Variants in SKOR2 observed in about 807,000 individuals in gnomAD.
SKOR2 encodes the protein SKI family transcriptional corepressor 2, also known as LBX1 corepressor 1-like protein.
Under a neutral mutation model 69.1 loss-of-function variants are expected in SKOR2, and 47 were observed. The observed-to-expected ratio is 0.68, with a 90% CI of 0.54 to 0.87. The LOEUF (loss-of-function observed/expected upper bound fraction) is 0.87, where lower values mean the gene tolerates loss of function less well. SKOR2 is among the 40% of genes least tolerant of loss of function. The pLI is 0.00. For missense variants in SKOR2, 1,404 were observed against 1,472.2 expected (o/e 0.95, Z 0.76); for synonymous variants, 717 against 672.6 (o/e 1.07, Z -1.02).
rs532631625 is a variant in SKOR2, at chr18:47,223,392, G to A, written c.2918-3382C>T. Among the ~76,000 whole-genome samples the A allele has an allele frequency of 3.9e-5, 6 of 152,320 alleles. No homozygotes were observed. The South Asian group carries it at 1.2e-3, about 32-fold the overall frequency. On this transcript the variant is annotated intron_variant, in intron 6 of 8. Transcript: ENST00000425639. ...AAGAGATGATACATGCTGTTCCAAA[G>A]ATGGGAGCAGAAATTAGTTGAAACT...
At chr18:47,250,529 G>A (rs935269080) in intron 1 of SKOR2, among the ~76,000 whole-genome samples, 4 of 152,224 alleles carry the variant, frequency 2.6e-5, no homozygotes, top group African/African-American at 9.7e-5. Context: ...AGGCCATAGC[G>A]TGGCCCCTTT....
chr18:47,236,268 C>A (rs943641508), intron 4 of SKOR2, among the ~76,000 whole-genome samples: 3 of 152,166 alleles, frequency 2.0e-5, no homozygotes, highest in African/African-American at 7.2e-5. Context: ...TGGAATTATA[C>A]GCCTGAGTCA....
At position 47,247,356 on chromosome 18, in the gene SKOR2, C is replaced by T; in HGVS notation, c.1828G>A (p.Gly610Arg). ...TAGCTGCCACCGCCCGCTTTGCGCC[C>T]CTCCAGAAGGTGCGGATGGTGGGGC... ...PAPHHPHLLE[G>R]RKAGGGSYHH... The change falls in exon 2 of 9, where the codon GGG (glycine) becomes AGG (arginine). Residue 610 changes from glycine (G) to arginine (R), a missense_variant. By Grantham distance (125) the Gly-to-Arg change is moderately radical (BLOSUM62 -2). This residue lies in a region of SKOR2 where 1,266 missense variants were observed against 1,309.9 expected (regional missense o/e 0.97). Coordinates refer to ENST00000425639, the MANE Select transcript of SKOR2 (RefSeq NM_001278063.4). The surrounding 1 kb of genome is among the most constrained non-coding windows in gnomAD (Gnocchi z 6.6). 1 of 1,465,062 alleles carries T rather than the reference C, an allele frequency of 6.8e-7. No homozygotes were observed. Among genetic ancestry groups the T allele is most frequent in the Non-Finnish European group, 9.0e-7 (1 of 1,113,774 alleles). The allele number at this position is 1,465,062 out of a possible 1,614,324, so 90.8% of individuals were successfully genotyped here.
At chr18:47,230,050 A>C (rs8086549) in intron 6 of SKOR2, among the ~76,000 whole-genome samples, 65,709 of 152,062 alleles carry the variant, frequency 0.43, 14,425 homozygotes, top group Middle Eastern at 0.56. Flanking sequence ...GGAAGCTATC[A>C]GGAACAATCT....
chr18:47,245,493 T>TC lies in SKOR2; in HGVS notation c.2677+4_2677+5insG. On this transcript the variant is annotated splice_donor_region_variant and intron_variant, in intron 3 of 8. Transcript: ENST00000425639. ...GTGGCAGCTGATTTTTTTTTTTTTT[T>TC]TTACCTGAAAAGCTGTTGTCATCCT... 1 of 1,478,308 alleles carries TC rather than the reference T, an allele frequency of 6.8e-7. No homozygotes were observed. The highest frequency in any genetic ancestry group is 8.9e-7 in the Non-Finnish European group (1 of 1,122,280). 91.6% of individuals were successfully genotyped at this position (1,478,308 alleles called of 1,614,324 possible).
At chr18:47,216,046 T>C (rs2064143058) in intron 7 of SKOR2, among the ~76,000 whole-genome samples, 1 of 152,172 alleles carries the variant, frequency 6.6e-6, no homozygotes, top group East Asian at 1.9e-4. Flanking sequence ...TTGGAAAAAC[T>C]TTAATCAAAA....
At position 47,245,348 on chromosome 18, in the gene SKOR2, T is replaced by C. The variant is rs578064818; in HGVS notation, c.2677+150A>G. 14 of 715,172 alleles carry C rather than the reference T, an allele frequency of 2.0e-5. No individual in the cohort carries two copies. In the South Asian group the frequency reaches 3.3e-4, roughly 17 times the overall value. The allele number at this position is 715,172 out of a possible 1,614,324, so 44.3% of individuals were successfully genotyped here. Reference sequence around the variant, plus strand: ...GATCTTTGAAATATAAACTCTGATATTCAAAAACAAAACCAAAAAAGAGCC... The same window carrying C: ...GATCTTTGAAATATAAACTCTGATACTCAAAAACAAAACCAAAAAAGAGCC... On this transcript the variant is annotated intron_variant, in intron 3 of 8. Transcript: ENST00000425639.
chr18:47,248,035 G>T lies in SKOR2; in HGVS notation c.1149C>A (p.Ile383=), dbSNP rs753088865. The change falls in exon 2 of 9, where the codon ATC becomes ATA. Residue 383 remains isoleucine, a synonymous_variant. Coordinates refer to ENST00000425639, the MANE Select transcript of SKOR2 (RefSeq NM_001278063.4). The surrounding 1 kb of genome is among the most constrained non-coding windows in gnomAD (Gnocchi z 6.4). ...GAKGPRSYPV[I]PVPSKGSFGG... is the part of the protein sequence containing the mutation. The stretch of plus-strand genomic sequence containing the variant: ...CGAACGAGCCCTTGCTGGGCACCGG[G>T]ATGACTGGGTAGCTGCGCGGGCCTT... 6.2e-6 allele frequency: 9 copies of T among 1,441,706 alleles called. No homozygotes were observed. The highest frequency in any genetic ancestry group is 8.2e-6 in the Non-Finnish European group (9 of 1,098,896). The allele number at this position is 1,441,706 out of a possible 1,614,324, so 89.3% of individuals were successfully genotyped here.
At chr18:47,231,109 GA>G (rs745443308) in intron 4 of SKOR2, 109 bp from the exon 5 acceptor site, 4 of 1,535,564 alleles carry the variant, frequency 2.6e-6, no homozygotes, top group Middle Eastern at 1.7e-4. Context: ...AATATAACCT[GA>G]AATTGGAAGT....
chr18:47,231,178 G>T (rs2144496183), intron 4 of SKOR2, 178 bp from the exon 5 acceptor site: 1 of 1,535,998 alleles, frequency 6.5e-7, no homozygotes, highest in African/African-American at 1.4e-5. Context: ...AAACACGGAG[G>T]GGAGGTGCAG....
In SKOR2 at chr18:47,247,443, C is replaced by T. The variant is rs2064284472; in HGVS notation, c.1741G>A (p.Ala581Thr). ...AGSTPPADSVAAAGAGAAAAG... is the reference protein window; with the variant it reads ...AGSTPPADSVTAAGAGAAAAG... ...GCCGCGGCCCCTGCCCCGGCAGCTG[C>T]CACAGAGTCCGCGGGCGGCGTGGAG... The change falls in exon 2 of 9, where the codon GCA (alanine) becomes ACA (threonine). Residue 581 changes from alanine (A) to threonine (T), a missense_variant. Around this residue, in one of 3 missense-constraint regions of SKOR2, gnomAD observed 1,266 missense variants for 1,309.9 expected, o/e 0.97. Coordinates refer to ENST00000425639, the MANE Select transcript of SKOR2 (RefSeq NM_001278063.4). This position sits in a 1 kb window ranked among gnomAD's most constrained non-coding sequence, Gnocchi z 6.6. 1 of 1,264,252 alleles carries T rather than the reference C, an allele frequency of 7.9e-7. No homozygotes were observed. Among genetic ancestry groups the T allele is most frequent in the Non-Finnish European group, 9.9e-7 (1 of 1,006,538 alleles). The allele number at this position is 1,264,252 out of a possible 1,614,324, so 78.3% of individuals were successfully genotyped here.
rs1439737117 is a variant in SKOR2 at position 47,238,669 on chromosome 18, G to A, written c.2752+6239C>T. 2.0e-5 allele frequency among the ~76,000 whole-genome samples: 3 copies of A among 152,284 alleles called. No homozygotes were observed. The East Asian group carries it at 5.8e-4, about 29-fold the overall frequency. ...TTAGTTTAAGACTGTGTCTATACAT[G>A]AGATACACATGCACTCTAACATCTG... is the stretch of plus-strand genomic sequence containing the variant. On this transcript the variant is annotated intron_variant, in intron 4 of 8. Coordinates refer to ENST00000425639, the MANE Select transcript of SKOR2 (RefSeq NM_001278063.4).
At chr18:47,251,239 C>CCCGA (rs1415214090) in intron 1 of SKOR2, 135 bp downstream of exon 1, 2 of 152,330 alleles carry the variant, frequency 1.3e-5, no homozygotes, top group East Asian at 3.9e-4. Flanking sequence ...ACTTAGTTCT[C>CCCGA]CCGACTCCCA....
intron 7 of SKOR2, among the ~76,000 whole-genome samples, chr18:47,217,357 G>A (rs115517261): frequency 0.011 from 1,670 of 152,272 alleles, 33 homozygotes; most frequent in African/African-American, 0.038. Flanking sequence ...CATTTTGGTT[G>A]AGGAACTGAC....
chr18:47,247,651 C>T lies in SKOR2; in HGVS notation c.1533G>A (p.Leu511=). 1 of 1,363,554 alleles carries T rather than the reference C, an allele frequency of 7.3e-7. No homozygotes were observed. 84.5% of individuals were successfully genotyped at this position (1,363,554 alleles called of 1,614,324 possible). The stretch of plus-strand genomic sequence containing the variant: ...CAGCACCGCCTGGCTCAGCCAGGTC[C>T]AGGAAGGCCTGGCGCAGCAGGGCCG... ...ESPALLRQAF[L]DLAEPGGAAG... is the part of the protein sequence containing the mutation. The change falls in exon 2 of 9, where the codon CTG becomes CTA. Residue 511 remains leucine (L), a synonymous_variant. Transcript: ENST00000425639. The surrounding 1 kb of genome is among the most constrained non-coding windows in gnomAD (Gnocchi z 6.6).
chr18:47,215,692 T>C lies in SKOR2; in HGVS notation c.2986-3541A>G, dbSNP rs141513428. On this transcript the variant is annotated intron_variant, in intron 7 of 8. Transcript: ENST00000425639. ...TTTTAATGAAGAACTTTGAGACCAA[T>C]TCCCCCTAGCTGCGTGTGACTGCAG... Among the ~76,000 whole-genome samples, 908 of 152,214 alleles carry C rather than the reference T, an allele frequency of 6.0e-3. 5 individuals carry two copies. The highest frequency in any genetic ancestry group is 0.027 in the Middle Eastern group (8 of 294).
chr18:47,246,493 G>T, intron 2 of SKOR2, 78 bp downstream of exon 2: 1 of 1,394,074 alleles, frequency 7.2e-7, no homozygotes, highest in South Asian at 1.6e-5. Context: ...TCTTTCCTGC[G>T]CATATGTAAC....
At chr18:47,218,908 G>T (rs2144484409) in intron 7 of SKOR2, among the ~76,000 whole-genome samples, 1 of 152,282 alleles carries the variant, frequency 6.6e-6, no homozygotes, top group Non-Finnish European at 1.5e-5. Context: ...AGTTGTTAAC[G>T]ATCACTTGAG....
chr18:47,244,249 C>T (rs1180213958), intron 4 of SKOR2, among the ~76,000 whole-genome samples: 1 of 152,132 alleles, frequency 6.6e-6, no homozygotes, highest in Non-Finnish European at 1.5e-5. Flanking sequence ...CAGACATTGC[C>T]TCAGGATAAC....
Sources: allele counts gnomAD v4.1 joint callset (sites outside exome capture counted in the v4.1 genomes callset), GRCh38; gene constraint gnomAD v4.1.1; regional missense constraint gnomAD v4.1.1; non-coding constraint Gnocchi (gnomAD v3.1); transcripts MANE v1.5; gene names NCBI Gene and HGNC (gene_info 2026-07-23, HGNC 2026-07-21).